Variants in FAM135A observed in about 807,000 individuals in gnomAD.
FAM135A encodes family with sequence similarity 135 member A.
A neutral mutation model predicts 146.8 loss-of-function variants in FAM135A; 79 were observed. That is an observed-to-expected ratio of 0.54 (90% CI 0.45 to 0.65). The LOEUF (loss-of-function observed/expected upper bound fraction) is 0.65, where lower values mean the gene tolerates loss of function less well. Among genes scored for constraint, FAM135A ranks in the 30% least tolerant of loss-of-function variants. The pLI, the probability that FAM135A is intolerant of heterozygous loss-of-function variation, is 0.00. For missense variants in FAM135A, 1,623 were observed against 1,758.2 expected, an observed-to-expected ratio of 0.92 and a Z score of 1.38; for synonymous variants, 562 against 603.6, an observed-to-expected ratio of 0.93 and a Z score of 1.01.
chr6:70,531,671 T>C (rs1193006142), intron 16 of FAM135A, among the ~76,000 whole-genome samples: 3 of 152,334 alleles, frequency 2.0e-5, no homozygotes, highest in South Asian at 2.1e-4. Context: ...GGTTTACTGC[T>C]GTATGCTTCA....
chr6:70,512,128 A>T (rs978884403), intron 12 of FAM135A, among the ~76,000 whole-genome samples: 1 of 151,960 alleles, frequency 6.6e-6, no homozygotes, highest in Non-Finnish European at 1.5e-5. Context: ...CAGTTCCTAC[A>T]CCCCATAAGC....
intron 19 of FAM135A, among the ~76,000 whole-genome samples, chr6:70,537,852 G>T (rs1797067359): frequency 6.6e-6 from 1 of 152,142 alleles, no homozygotes; most frequent in Admixed American, 6.5e-5. Flanking sequence ...TTCATTCTAA[G>T]ATGTGGTCTG....
At chr6:70,554,692 A>G (rs1202720949) in intron 20 of FAM135A, among the ~76,000 whole-genome samples, 1 of 152,070 alleles carries the variant, frequency 6.6e-6, no homozygotes, top group East Asian at 1.9e-4. Context: ...CAGTGGCACA[A>G]TATCAGCTCA....
Position 70,526,508 on chromosome 6 carries a change from A to G in FAM135A, c.3424A>G (p.Ile1142Val), listed in dbSNP as rs1270315254. ...KINSDYLRDGINMPTVCTSGC... is the reference protein window; with the variant it reads ...KINSDYLRDGVNMPTVCTSGC... Reference sequence around the variant, plus strand: ...AAACAGTGACTATCTGAGAGATGGTATAAACATGCCTACTGTCTGTACTTC... The same window carrying G: ...AAACAGTGACTATCTGAGAGATGGTGTAAACATGCCTACTGTCTGTACTTC... The change falls in exon 15 of 22, where the codon ATA becomes GTA. Residue 1142 changes from isoleucine (I) to valine (V), a missense_variant. This residue lies in a region of FAM135A where 1,061 missense variants were observed against 1,113.8 expected (regional missense o/e 0.95). Coordinates refer to ENST00000418814, the MANE Select transcript of FAM135A (RefSeq NM_001162529.3). The G allele has an allele frequency of 5.0e-6, 8 of 1,613,660 alleles. No individual in the cohort carries two copies. Among genetic ancestry groups the G allele is most frequent in the Non-Finnish European group, 6.8e-6 (8 of 1,179,716 alleles).
At chr6:70,479,203 T>G (rs575168206) in intron 8 of FAM135A, among the ~76,000 whole-genome samples, 28 of 152,302 alleles carry the variant, frequency 1.8e-4, no homozygotes, top group African/African-American at 6.5e-4. Flanking sequence ...AATGTTAGTT[T>G]TTAAGGCCCT....
intron 4 of FAM135A, among the ~76,000 whole-genome samples, chr6:70,431,391 C>G (rs545205003): frequency 6.6e-6 from 1 of 152,162 alleles, no homozygotes; most frequent in Non-Finnish European, 1.5e-5. Flanking sequence ...GCAGAGTGGC[C>G]TCAGCTGGGC....
intron 20 of FAM135A, among the ~76,000 whole-genome samples, chr6:70,551,745 G>C (rs986468241): frequency 3.3e-5 from 5 of 152,192 alleles, no homozygotes; most frequent in African/African-American, 4.8e-5. Context: ...AGGAGAGAGG[G>C]AGAGAGACTG....
intron 11 of FAM135A, among the ~76,000 whole-genome samples, chr6:70,494,606 AG>A (rs1436654627): frequency 1.3e-5 from 2 of 151,998 alleles, no homozygotes; most frequent in African/African-American, 4.8e-5. Flanking sequence ...AATATAAAAA[AG>A]AATTATATTA....
At chr6:70,461,025 G>C (rs1392603372) in intron 5 of FAM135A, among the ~76,000 whole-genome samples, 3 of 151,634 alleles carry the variant, frequency 2.0e-5, no homozygotes, top group Non-Finnish European at 4.4e-5. Context: ...GGTTTCATCA[G>C]GTTGGCCAGG....
intron 5 of FAM135A, among the ~76,000 whole-genome samples, chr6:70,472,295 C>T (rs1781776692): frequency 1.3e-5 from 2 of 152,180 alleles, no homozygotes; most frequent in African/African-American, 2.4e-5. Context: ...GAATTTCTTT[C>T]CCTTCTCAGC....
chr6:70,426,126 A>G (rs1245290706), intron 2 of FAM135A, among the ~76,000 whole-genome samples: 1 of 149,604 alleles, frequency 6.7e-6, no homozygotes, highest in African/African-American at 2.5e-5. Context: ...AAAAAACAAC[A>G]ACAAAAAAAA....
At chr6:70,543,749 T>C (rs1328444308) in intron 20 of FAM135A, among the ~76,000 whole-genome samples, 2 of 152,250 alleles carry the variant, frequency 1.3e-5, no homozygotes, top group Admixed American at 1.3e-4. Flanking sequence ...TATGTCTTTA[T>C]ACAGCATTAT....
chr6:70,496,858 G>A (rs1261096116), intron 11 of FAM135A, among the ~76,000 whole-genome samples: 1 of 151,418 alleles, frequency 6.6e-6, no homozygotes, highest in Non-Finnish European at 1.5e-5. Context: ...CTGTTCCATT[G>A]GTCTATGTAT....
At chr6:70,439,020 C>T (rs1179877288) in intron 4 of FAM135A, among the ~76,000 whole-genome samples, 1 of 152,068 alleles carries the variant, frequency 6.6e-6, no homozygotes, top group Non-Finnish European at 1.5e-5. Flanking sequence ...AACAAACAAA[C>T]AGCTAGCTGG....
In FAM135A at chr6:70,526,218, C is replaced by A; in HGVS notation, c.3134C>A (p.Ser1045Tyr). 1 of 1,613,328 alleles carries A rather than the reference C, an allele frequency of 6.2e-7. No individual in the cohort carries two copies. Among genetic ancestry groups the A allele is most frequent in the South Asian group, 1.1e-5 (1 of 91,000 alleles). The change falls in exon 15 of 22, where the codon TCT becomes TAT. Residue 1045 changes from serine (S) to tyrosine (Y), a missense_variant. By Grantham distance (144) the Ser-to-Tyr change is moderately radical. Coordinates refer to ENST00000418814, the MANE Select transcript of FAM135A (RefSeq NM_001162529.3). ...KQGLVENYFGSQSSTDISDTC... is the reference protein window; with the variant it reads ...KQGLVENYFGYQSSTDISDTC... Reference sequence around the variant, plus strand: ...GGGCTTGTGGAAAATTATTTTGGTTCTCAAAGCAGTACGGATATTTCTGAC... The same window carrying A: ...GGGCTTGTGGAAAATTATTTTGGTTATCAAAGCAGTACGGATATTTCTGAC...
intron 4 of FAM135A, among the ~76,000 whole-genome samples, chr6:70,443,729 T>C (rs549505594): frequency 6.6e-6 from 1 of 152,330 alleles, no homozygotes; most frequent in South Asian, 2.1e-4. Flanking sequence ...TCTTTTTCTG[T>C]AAACTGTTTA....
intron 10 of FAM135A, among the ~76,000 whole-genome samples, chr6:70,486,744 C>T (rs1582474817): frequency 6.6e-6 from 1 of 152,084 alleles, no homozygotes; most frequent in African/African-American, 2.4e-5. Context: ...GCCTGACCAA[C>T]ATAATGAAAC....
chr6:70,467,648 C>T (rs1001965908), intron 5 of FAM135A, among the ~76,000 whole-genome samples: 1 of 151,672 alleles, frequency 6.6e-6, no homozygotes, highest in Non-Finnish European at 1.5e-5. Flanking sequence ...CTTTTTTGAG[C>T]TATTTGCTTT....
chr6:70,486,105 C>A, intron 10 of FAM135A: 2 of 1,448,932 alleles, frequency 1.4e-6, no homozygotes, highest in Admixed American at 1.9e-5. Context: ...TTGGAAAATT[C>A]TAGTAAGTTT....
Sources: gnomAD v4.1 joint callset for allele counts (sites outside exome capture counted in the v4.1 genomes callset) on GRCh38, gnomAD v4.1.1 for gene constraint, gnomAD v4.1.1 regional missense constraint, MANE v1.5 for transcripts, NCBI Gene and HGNC (gene_info 2026-07-23, HGNC 2026-07-21) for gene names.